PTPN4: variants seen among roughly 807,000 people sequenced by gnomAD.
The protein encoded by PTPN4 is tyrosine-protein phosphatase non-receptor type 4.
A neutral mutation model predicts 135.5 loss-of-function variants in PTPN4; 49 were observed. The ratio of observed to expected loss-of-function variants is 0.36; its 90% confidence interval spans 0.29 to 0.46. The LOEUF (loss-of-function observed/expected upper bound fraction) is 0.46, where lower values mean the gene tolerates loss of function less well. Ranked by LOEUF, PTPN4 falls within the 20% of genes least tolerant of loss-of-function variation. The probability of loss-of-function intolerance (pLI) is 1.00; values close to 1 mark genes in which losing one functional copy is unlikely to be tolerated. For synonymous variants in PTPN4, 333 were observed against 369.9 expected (o/e 0.90, Z 1.14); for missense variants, 860 against 1,101.0 (o/e 0.78, Z 3.10).
In PTPN4 at chr2:119,766,462, GTGTGTGTGTGTGTGTGTGTGTC is replaced by G. The variant is rs1432447531; in HGVS notation, c.-18+6100_-18+6121del. ...CGCATGTGCGCGCGTGTGTGTGTGT[GTGTGTGTGTGTGTGTGTGTGTC>G]TGTGTGTGTGTGTGTGTGTGTGTGT... On this transcript the variant is annotated intron_variant, in intron 1 of 26. Coordinates refer to ENST00000263708, the MANE Select transcript of PTPN4 (RefSeq NM_002830.4). 5.4e-3 allele frequency among the ~76,000 whole-genome samples: 752 copies of G among 138,724 alleles called. 5 individuals carry two copies. The highest frequency in any genetic ancestry group is 0.016 in the African/African-American group (541 of 33,188). The allele number at this position is 138,724 out of a possible 152,430, so 91.0% of individuals were successfully genotyped here. A position where few individuals can be genotyped will look rare whatever the true frequency, so the allele number is the denominator to read the frequency against.
chr2:119,845,241 AGAGGGGGAGGGGGAGGGGGAGGGG>A (rs1169496236), intron 2 of PTPN4, among the ~76,000 whole-genome samples: 1 of 28,338 alleles, frequency 3.5e-5, no homozygotes, highest in Non-Finnish European at 6.8e-5. Flanking sequence ...GGGGAGAGGG[AGAGGGGGAGGGGGAGGGGGAGGGG>A]GAGGGAGAGG....
intron 9 of PTPN4, among the ~76,000 whole-genome samples, chr2:119,886,856 T>C (rs1007337539): frequency 1.3e-5 from 2 of 152,200 alleles, no homozygotes; most frequent in South Asian, 2.1e-4. Flanking sequence ...TGTCAATCTT[T>C]CCTTTAAAAG....
Position 119,977,980 on chromosome 2 carries a change from G to A in PTPN4, c.*910G>A, listed in dbSNP as rs553817432. On this transcript the variant is annotated 3_prime_UTR_variant, in exon 27 of 27. Transcript: ENST00000263708. ...ATTGAGTGTTATACAGTCAAAGAAG[G>A]GTAAGGAAATTCTGTTTCTTACTCA... 6.6e-6 allele frequency: 1 copy of A among 152,194 alleles called. No homozygotes were observed. Among genetic ancestry groups the A allele is most frequent in the African/African-American group, 2.4e-5 (1 of 41,524 alleles). The allele number at this position is 152,194 out of a possible 1,614,324, so 9.4% of individuals were successfully genotyped here.
At chr2:119,842,156 C>G (rs1480161744) in intron 2 of PTPN4, among the ~76,000 whole-genome samples, 1 of 152,178 alleles carries the variant, frequency 6.6e-6, no homozygotes, top group South Asian at 2.1e-4. Flanking sequence ...CCTCAGGTCA[C>G]AGTTTATAAA....
At chr2:119,774,311 G>T (rs1038980963) in intron 1 of PTPN4, among the ~76,000 whole-genome samples, 1 of 152,204 alleles carries the variant, frequency 6.6e-6, no homozygotes. Context: ...ATTGAGGTCT[G>T]CAGCTTTGGT....
At chr2:119,866,879 C>T (rs1677841771) in intron 3 of PTPN4, among the ~76,000 whole-genome samples, 1 of 152,092 alleles carries the variant, frequency 6.6e-6, no homozygotes, top group South Asian at 2.1e-4. Context: ...TATCTTAATT[C>T]AAGCTCTTAT....
intron 3 of PTPN4, among the ~76,000 whole-genome samples, chr2:119,864,150 C>T (rs72836848): frequency 0.024 from 3,663 of 152,188 alleles, 65 homozygotes; most frequent in Non-Finnish European, 0.033. Flanking sequence ...TTCTCATTGA[C>T]TTACAGAAAT....
chr2:119,946,674 C>T (rs1190543854), intron 18 of PTPN4, 100 bp downstream of exon 18: 1 of 984,806 alleles, frequency 1.0e-6, no homozygotes. Context: ...TTCATCATTT[C>T]TTTTATTTAT....
At chr2:119,969,532 T>C (rs1367717349) in intron 26 of PTPN4, among the ~76,000 whole-genome samples, 1 of 149,528 alleles carries the variant, frequency 6.7e-6, no homozygotes, top group Non-Finnish European at 1.5e-5. Context: ...AGTACAATTA[T>C]CAAGAAATGT....
At position 119,920,120 on chromosome 2, in the gene PTPN4, T is replaced by A; in HGVS notation, c.880T>A (p.Cys294Ser). The A allele has an allele frequency of 6.2e-7, 1 of 1,613,322 alleles. No individual in the cohort carries two copies. The highest frequency in any genetic ancestry group is 8.5e-7 in the Non-Finnish European group (1 of 1,179,716). Residue 294 changes from cysteine (C) to serine (S), a missense_variant, in exon 12 of 27, where the codon TGT (cysteine) becomes AGT (serine). Cys to Ser is a moderately radical substitution (Grantham distance 112). This residue lies in a region of PTPN4 where 684 missense variants were observed against 807.0 expected (regional missense o/e 0.85). Coordinates refer to ENST00000263708, the MANE Select transcript of PTPN4 (RefSeq NM_002830.4). ...LGFNMVNYRA[C>S]KNLWKACVEH... ...ATTTAATATGGTGAATTACAGAGCA[T>A]GTAAAAATTTGTGGAAAGCATGTGT...
intron 2 of PTPN4, among the ~76,000 whole-genome samples, chr2:119,844,439 G>A (rs1279436201): frequency 2.0e-5 from 3 of 146,632 alleles, no homozygotes; most frequent in Non-Finnish European, 3.0e-5. Context: ...GGGCGGAGAG[G>A]CTCCTCACTT....
Position 119,931,733 on chromosome 2 carries a change from C to T in PTPN4, c.1071-691C>T, listed in dbSNP as rs370641719. 9.7e-4 allele frequency among the ~76,000 whole-genome samples: 148 copies of T among 152,062 alleles called. 1 individual carries two copies. The highest frequency in any genetic ancestry group is 1.7e-3 in the Non-Finnish European group (116 of 68,002). On this transcript the variant is annotated intron_variant, in intron 13 of 26. Coordinates refer to ENST00000263708, the MANE Select transcript of PTPN4 (RefSeq NM_002830.4). ...GGGATTGCAGCACTGAGCCACCTCGCGCATCCAAGATCTTTTTTTAAAACA... is the reference window on the plus strand; with the variant it reads ...GGGATTGCAGCACTGAGCCACCTCGTGCATCCAAGATCTTTTTTTAAAACA...
intron 3 of PTPN4, among the ~76,000 whole-genome samples, chr2:119,864,838 T>C (rs2104989512): frequency 6.6e-6 from 1 of 152,288 alleles, no homozygotes. Flanking sequence ...GTCTTGAGTA[T>C]TCCTTCTCAA....
intron 1 of PTPN4, among the ~76,000 whole-genome samples, chr2:119,788,166 A>C (rs538789937): frequency 1.6e-3 from 249 of 152,262 alleles, no homozygotes; most frequent in Non-Finnish European, 2.8e-3. Context: ...TCCCCAGATT[A>C]ACTTGTTGTT....
chr2:119,944,051 C>T (rs1679100092), intron 15 of PTPN4, among the ~76,000 whole-genome samples: 1 of 152,018 alleles, frequency 6.6e-6, no homozygotes, highest in Admixed American at 6.6e-5. Flanking sequence ...TTCCTTATCT[C>T]CAGACCTTAT....
At chr2:119,882,222 G>A (rs1254785266) in intron 7 of PTPN4, 73 bp downstream of exon 7, 2 of 1,390,520 alleles carry the variant, frequency 1.4e-6, no homozygotes, top group Admixed American at 3.5e-5. Context: ...TGGCTTCAAT[G>A]TGGGAGTTCT....
At chr2:119,856,230 G>T (rs879930691) in intron 2 of PTPN4, among the ~76,000 whole-genome samples, 1 of 152,134 alleles carries the variant, frequency 6.6e-6, no homozygotes, top group Non-Finnish European at 1.5e-5. Flanking sequence ...CTTTTAGATC[G>T]CTCCTGTTGC....
intron 13 of PTPN4, 68 bp downstream of exon 13, chr2:119,926,734 T>C (rs1190087813): frequency 8.1e-6 from 10 of 1,235,974 alleles, no homozygotes; most frequent in African/African-American, 1.5e-5. Context: ...AAAAAGTTTT[T>C]CTAAATATTT....
chr2:119,938,276 C>T (rs910386189), intron 15 of PTPN4, among the ~76,000 whole-genome samples: 1 of 151,772 alleles, frequency 6.6e-6, no homozygotes, highest in Non-Finnish European at 1.5e-5. Flanking sequence ...TACAGGCGCC[C>T]GTCACCACAC....
Sources: gnomAD v4.1 joint callset for allele counts (sites outside exome capture counted in the v4.1 genomes callset) on GRCh38, gnomAD v4.1.1 for gene constraint, gnomAD v4.1.1 regional missense constraint, MANE v1.5 for transcripts, NCBI Gene and HGNC (gene_info 2026-07-23, HGNC 2026-07-21) for gene names.